FAM227A: variants seen among roughly 807,000 people sequenced by gnomAD.
FAM227A encodes the protein protein FAM227A.
A neutral mutation model predicts 74.7 loss-of-function variants in FAM227A; 80 were observed. That is an observed-to-expected ratio of 1.07 (90% confidence interval 0.89 to 1.29). FAM227A has a LOEUF of 1.29. Ranked by LOEUF, FAM227A falls within the 50% of genes most tolerant of loss-of-function variation. The pLI is 0.00. For missense variants in FAM227A, 654 were observed against 683.4 expected, an observed-to-expected ratio of 0.96 and a Z score of 0.48; for synonymous variants, 237 against 241.8, an observed-to-expected ratio of 0.98 and a Z score of 0.19.
intron 8 of FAM227A, among the ~76,000 whole-genome samples, chr22:38,627,447 A>T (rs2091832311): frequency 1.3e-5 from 2 of 152,014 alleles, no homozygotes; most frequent in Admixed American, 1.3e-4. Context: ...ACGCACCTGT[A>T]ATCCCAGCTA....
In FAM227A at chr22:38,579,521, A is replaced by G. The variant is rs2090688041; in HGVS notation, c.*6604T>C. ...AGACCACAATGAAAGTGTGTAAAAT[A>G]TGCTTAGAAGTGTCCATGGTAGATG... On this transcript the variant is annotated 3_prime_UTR_variant, in exon 17 of 17. Coordinates refer to ENST00000535113, the MANE Select transcript of FAM227A (RefSeq NM_001013647.2). 1 of 152,202 alleles carries G rather than the reference A, an allele frequency of 6.6e-6. No homozygotes were observed. Among genetic ancestry groups the G allele is most frequent in the Non-Finnish European group, 1.5e-5 (1 of 68,042 alleles). 9.4% of individuals were successfully genotyped at this position (152,202 alleles called of 1,614,324 possible).
intron 1 of FAM227A, among the ~76,000 whole-genome samples, chr22:38,651,701 A>G (rs138426158): frequency 6.6e-6 from 1 of 152,222 alleles, no homozygotes; most frequent in African/African-American, 2.4e-5. Context: ...ATTCTCTGAA[A>G]CATGGTAAGT....
chr22:38,637,071 A>T (rs551082274), intron 5 of FAM227A, among the ~76,000 whole-genome samples: 1 of 152,192 alleles, frequency 6.6e-6, no homozygotes, highest in African/African-American at 2.4e-5. Flanking sequence ...GTTTTCCCTT[A>T]TATGATTTGA....
intron 16 of FAM227A, among the ~76,000 whole-genome samples, chr22:38,589,246 G>A (rs1262050979): frequency 6.6e-6 from 1 of 152,166 alleles, no homozygotes. Context: ...AAGCTAGGGA[G>A]AGGCAAAGGA....
In FAM227A at chr22:38,583,153, T is replaced by C. The variant is rs1026005316; in HGVS notation, c.*2972A>G. The C allele has an allele frequency of 1.9e-6, 1 of 531,440 alleles. No homozygotes were observed. Among genetic ancestry groups the C allele is most frequent in the East Asian group, 3.2e-5 (1 of 31,572 alleles). 32.9% of individuals were successfully genotyped at this position (531,440 alleles called of 1,614,324 possible). On this transcript the variant is annotated 3_prime_UTR_variant, in exon 17 of 17. Coordinates refer to ENST00000535113, the MANE Select transcript of FAM227A (RefSeq NM_001013647.2). ...GTACTCGGCAGGTGCTCACACGTTC[T>C]GGTTTCAGAAGACTATACTTTTTTT...
At chr22:38,620,529 C>G (rs1050079254) in intron 10 of FAM227A, among the ~76,000 whole-genome samples, 1 of 152,078 alleles carries the variant, frequency 6.6e-6, no homozygotes, top group African/African-American at 2.4e-5. Context: ...ACAGGGCCGG[C>G]GCGGTGGCTC....
chr22:38,610,080 GTTTGTT>G (rs1450296023), intron 11 of FAM227A, among the ~76,000 whole-genome samples: 5 of 150,824 alleles, frequency 3.3e-5, no homozygotes, highest in Admixed American at 1.3e-4. Context: ...GCCATTTTTT[GTTTGTT>G]TTTAAGAGAC....
intron 11 of FAM227A, among the ~76,000 whole-genome samples, chr22:38,614,167 G>A (rs1246461591): frequency 6.6e-6 from 1 of 152,182 alleles, no homozygotes; most frequent in Non-Finnish European, 1.5e-5. Flanking sequence ...CTGGGGAGCT[G>A]GGAAAGGGGG....
intron 13 of FAM227A, among the ~76,000 whole-genome samples, chr22:38,601,434 G>C (rs1251158579): frequency 2.0e-5 from 3 of 151,460 alleles, no homozygotes; most frequent in Admixed American, 2.0e-4. Context: ...AAATGAGGTG[G>C]CTCACAGGGG....
rs1453464093 is a variant in FAM227A, at chr22:38,633,366, TAGC to T, written c.519+3082_519+3084del. ...CTCAAAAATGGGGCATTAAATAACA[TAGC>T]AGTCTGTCCTTGGGGGCTTTCCACC... On this transcript the variant is annotated intron_variant, in intron 6 of 16. Transcript: ENST00000535113. Among the ~76,000 whole-genome samples, 5 of 152,236 alleles carry T rather than the reference TAGC, an allele frequency of 3.3e-5. No homozygotes were observed. The East Asian group carries it at 9.7e-4, about 29-fold the overall frequency.
At chr22:38,642,949 C>CAA (rs1050317178) in intron 3 of FAM227A, among the ~76,000 whole-genome samples, 2 of 151,432 alleles carry the variant, frequency 1.3e-5, no homozygotes, top group East Asian at 2.0e-4. Context: ...AAAACAAAAA[C>CAA]AAAAAAACAA....
intron 11 of FAM227A, among the ~76,000 whole-genome samples, chr22:38,613,321 T>TA (rs2091490125): frequency 1.1e-4 from 9 of 84,788 alleles, no homozygotes; most frequent in Admixed American, 4.0e-4. Flanking sequence ...ACATATAATA[T>TA]ATATCATATA....
At chr22:38,646,322 G>GGAT (rs2092238634) in intron 2 of FAM227A, among the ~76,000 whole-genome samples, 1 of 140,222 alleles carries the variant, frequency 7.1e-6, no homozygotes, top group African/African-American at 2.7e-5. Flanking sequence ...TGCAGTGGCG[G>GGAT]GATCTCGGCT....
intron 8 of FAM227A, 84 bp from the exon 9 acceptor site, chr22:38,626,387 T>C (rs1473782919): frequency 2.1e-6 from 3 of 1,447,668 alleles, no homozygotes; most frequent in Middle Eastern, 2.2e-4. Context: ...GACTTTCTTT[T>C]TTTATATATA....
At chr22:38,603,842 G>A (rs1051312534) in intron 13 of FAM227A, among the ~76,000 whole-genome samples, 3 of 152,082 alleles carry the variant, frequency 2.0e-5, no homozygotes, top group African/African-American at 7.2e-5. Context: ...TGATACTGGG[G>A]GGTTATGTGA....
Position 38,645,573 on chromosome 22 carries a change from G to GC in FAM227A, c.214dup (p.Ala72GlyfsTer7). On this transcript the variant is annotated frameshift_variant, in exon 3 of 17. Transcript: ENST00000535113. LOFTEE classifies it high-confidence loss of function. ...GCATAGGTAACTCACCAGGCTGTTG[G>GC]CCGACGGCTCGGTACGCAGATTTAT... 6.4e-7 allele frequency: 1 copy of GC among 1,551,160 alleles called. No individual in the cohort carries two copies. The highest frequency in any genetic ancestry group is 8.7e-7 in the Non-Finnish European group (1 of 1,146,658).
At chr22:38,599,117 C>T (rs2091115292) in intron 14 of FAM227A, among the ~76,000 whole-genome samples, 2 of 152,156 alleles carry the variant, frequency 1.3e-5, no homozygotes, top group South Asian at 2.1e-4. Flanking sequence ...CACCACCAGG[C>T]CCAGCTAATT....
intron 1 of FAM227A, among the ~76,000 whole-genome samples, chr22:38,653,178 C>T (rs2092346460): frequency 6.6e-6 from 1 of 152,064 alleles, no homozygotes; most frequent in South Asian, 2.1e-4. Flanking sequence ...ATGCAAGAGA[C>T]CTAGGTTGTG....
chr22:38,634,855 C>G (rs540570249), intron 6 of FAM227A, among the ~76,000 whole-genome samples: 1 of 152,170 alleles, frequency 6.6e-6, no homozygotes, highest in Non-Finnish European at 1.5e-5. Flanking sequence ...TGGGCAGTGA[C>G]TGGCCCAAAC....
Sources: gnomAD v4.1 joint callset for allele counts (sites outside exome capture counted in the v4.1 genomes callset) on GRCh38, gnomAD v4.1.1 for gene constraint, MANE v1.5 for transcripts, NCBI Gene and HGNC (gene_info 2026-07-23, HGNC 2026-07-21) for gene names.